The following TGM4 variants were observed in gnomAD, a reference collection of about 807,000 sequenced individuals.
TGM4 encodes the protein transglutaminase 4.
A neutral mutation model predicts 76.3 loss-of-function variants in TGM4; 61 were observed. That is an observed-to-expected ratio of 0.80 (90% CI 0.65 to 0.99). TGM4 has a LOEUF of 0.99. Ranked by LOEUF, TGM4 falls within the 50% of genes least tolerant of loss-of-function variation. TGM4 has a pLI of 0.00. For missense variants in TGM4, 794 were observed against 843.2 expected, an observed-to-expected ratio of 0.94 and a Z score of 0.72; for synonymous variants, 337 against 329.8, an observed-to-expected ratio of 1.02 and a Z score of -0.24.
At chr3:44,894,823 C>G (rs999265431) in intron 5 of TGM4, among the ~76,000 whole-genome samples, 4 of 152,036 alleles carry the variant, frequency 2.6e-5, no homozygotes, top group African/African-American at 9.7e-5. Flanking sequence ...CAAGGTGCGC[C>G]GAGTGCCCTC....
chr3:44,877,907 G>A (rs1699471438), intron 1 of TGM4, among the ~76,000 whole-genome samples: 1 of 152,140 alleles, frequency 6.6e-6, no homozygotes, highest in Admixed American at 6.5e-5. Context: ...TGGTCTACAT[G>A]TCCATCCAGG....
chr3:44,913,684 A>G lies in TGM4; in HGVS notation c.2014A>G (p.Lys672Glu). Residue 672 changes from lysine (K) to glutamate (E), a missense_variant, in exon 14 of 14, where the codon AAA becomes GAA. Transcript: ENST00000296125. Reference protein sequence around the residue: ...FIVKLSSKQVKEINAQKIVLI... With the variant: ...FIVKLSSKQVEEINAQKIVLI... ...CGTCAAGTTAAGTTCCAAACAAGTG[A>G]AAGAGATTAATGCTCAGAAGATTGT... 1 of 1,614,226 alleles carries G rather than the reference A, an allele frequency of 6.2e-7. No individual in the cohort carries two copies. The highest frequency in any genetic ancestry group is 1.6e-4 in the Middle Eastern group (1 of 6,062).
In TGM4 at chr3:44,910,107, C is replaced by T. The variant is rs758598933; in HGVS notation, c.1345C>T (p.Gln449Ter). Reference sequence around the variant, plus strand: ...TCTTTCAGGCTCCTCTGAGGAGAGGCAGGTCATGGATCATGCCTTCCTCCT... The same window carrying T: ...TCTTTCAGGCTCCTCTGAGGAGAGGTAGGTCATGGATCATGCCTTCCTCCT... ...KYPEGSSEER[Q>*]VMDHAFLLLS... The change falls in exon 11 of 14, where the codon CAG (glutamine) becomes TAG (stop). Residue 449 changes from glutamine (Q) to a stop codon, truncating the protein, a stop_gained. Transcript: ENST00000296125. LOFTEE classifies it high-confidence loss of function. The T allele has an allele frequency of 4.3e-6, 7 of 1,613,964 alleles. No individual in the cohort carries two copies. The South Asian group carries it at 6.6e-5, about 15-fold the overall frequency.
intron 13 of TGM4, 139 bp from the exon 14 acceptor site, chr3:44,913,445 C>A: frequency 9.4e-7 from 1 of 1,059,284 alleles, no homozygotes; most frequent in East Asian, 2.6e-5. Flanking sequence ...GTACACTGTG[C>A]CATGCCCTGG....
intron 1 of TGM4, among the ~76,000 whole-genome samples, chr3:44,882,016 A>G (rs1699539501): frequency 6.7e-6 from 1 of 150,204 alleles, no homozygotes; most frequent in African/African-American, 2.5e-5. Flanking sequence ...AATTTTGACC[A>G]TCTATCCAAG....
chr3:44,907,664 C>A (rs1575727166), intron 10 of TGM4, among the ~76,000 whole-genome samples: 1 of 152,160 alleles, frequency 6.6e-6, no homozygotes, highest in African/African-American at 2.4e-5. Context: ...ATCCCCTAGC[C>A]ATGCTGCCTG....
intron 9 of TGM4, 24 bp from the exon 10 acceptor site, chr3:44,906,925 T>A (rs748830855): frequency 6.2e-7 from 1 of 1,607,990 alleles, no homozygotes; most frequent in Non-Finnish European, 8.5e-7. Context: ...CCACTGAGAG[T>A]GACCACCCCT....
intron 9 of TGM4, among the ~76,000 whole-genome samples, chr3:44,905,391 G>A (rs1699908947): frequency 6.6e-6 from 1 of 152,088 alleles, no homozygotes; most frequent in South Asian, 2.1e-4. Flanking sequence ...GTGTGCCCAG[G>A]GACCAGCCGG....
At chr3:44,890,501 G>T in intron 3 of TGM4, 102 bp from the exon 4 acceptor site, 4 of 1,504,782 alleles carry the variant, frequency 2.7e-6, no homozygotes, top group Non-Finnish European at 3.6e-6. Flanking sequence ...GGTTCCAGAT[G>T]GGATGAGTTG....
At chr3:44,882,202 A>C (rs1318559319) in intron 1 of TGM4, among the ~76,000 whole-genome samples, 6 of 152,014 alleles carry the variant, frequency 3.9e-5, no homozygotes, top group Non-Finnish European at 7.4e-5. Context: ...TCTCCCGAGT[A>C]ACCGGGATTA....
intron 4 of TGM4, among the ~76,000 whole-genome samples, chr3:44,891,430 A>G (rs895991350): frequency 1.5e-5 from 2 of 132,902 alleles, no homozygotes; most frequent in African/African-American, 2.6e-5. Flanking sequence ...GTAATGAACA[A>G]CCTATACCCT....
At chr3:44,893,928 C>CCCCCCGGCTCTCT (rs1699739194) in intron 5 of TGM4, among the ~76,000 whole-genome samples, 3 of 148,724 alleles carry the variant, frequency 2.0e-5, no homozygotes, top group African/African-American at 2.5e-5. Flanking sequence ...TTCCCATCCA[C>CCCCCCGGCTCTCT]CCCACGGCTC....
chr3:44,903,478 C>T (rs112024886), intron 8 of TGM4: 153 of 175,100 alleles, frequency 8.7e-4, no homozygotes, highest in African/African-American at 3.0e-3. Context: ...GACTGCACAG[C>T]CTAGTGCATT....
rs138221415 is a variant in TGM4, at chr3:44,885,383, A to G, written c.78A>G (p.Thr26=). 1.9e-4 allele frequency: 305 copies of G among 1,614,004 alleles called. 1 individual carries two copies. Among genetic ancestry groups the G allele is most frequent in the African/African-American group, 1.6e-3 (121 of 75,024 alleles). Residue 26 remains threonine (T), a synonymous_variant, in exon 2 of 14, where the codon ACA becomes ACG. Transcript: ENST00000296125. ...AGGACAACGCCGTTTCTCACCACAC[A>G]TGGGAGTTCCAAACGAGCAGTCCTG... The part of the protein sequence containing the change: ...LNQDNAVSHH[T]WEFQTSSPVF...
At chr3:44,876,720 TAAAGGA>T (rs142754320) in intron 1 of TGM4, among the ~76,000 whole-genome samples, 2,959 of 151,714 alleles carry the variant, frequency 0.02, 48 homozygotes, top group Middle Eastern at 0.065. Context: ...CCTAGAAACA[TAAAGGA>T]AAAGAACAGT....
chr3:44,898,150 A>C (rs1699805082), intron 6 of TGM4, among the ~76,000 whole-genome samples: 1 of 152,038 alleles, frequency 6.6e-6, no homozygotes, highest in Non-Finnish European at 1.5e-5. Flanking sequence ...GTGTGGTGGC[A>C]CACACCTGTA....
intron 9 of TGM4, among the ~76,000 whole-genome samples, chr3:44,905,899 C>T (rs1559619624): frequency 6.6e-6 from 1 of 152,186 alleles, no homozygotes; most frequent in African/African-American, 2.4e-5. Context: ...TCCAGGGAGT[C>T]TAAGTAGCAT....
intron 3 of TGM4, 61 bp from the exon 4 acceptor site, chr3:44,890,542 T>G: frequency 6.3e-7 from 1 of 1,587,852 alleles, no homozygotes; most frequent in Admixed American, 1.8e-5. Context: ...TGGGAAGCAT[T>G]TGTAAGATTT....
chr3:44,913,535 C>T (rs750359005), intron 13 of TGM4, 49 bp from the exon 14 acceptor site: 39 of 1,580,348 alleles, frequency 2.5e-5, no homozygotes, highest in Non-Finnish European at 3.1e-5. Context: ...TCCCTCTTCC[C>T]ATAACATCCT....
Sources: gnomAD v4.1 joint callset for allele counts (sites outside exome capture counted in the v4.1 genomes callset) on GRCh38, gnomAD v4.1.1 for gene constraint, MANE v1.5 for transcripts, NCBI Gene and HGNC (gene_info 2026-07-23, HGNC 2026-07-21) for gene names.